The following ASTN2 variants were observed in gnomAD, a reference collection of about 807,000 sequenced individuals.
ASTN2 encodes the protein astrotactin-2.
ASTN2 carries 54 observed loss-of-function variants against 139.8 expected under a neutral mutation model. That is an observed-to-expected ratio of 0.39 (90% CI 0.31 to 0.48). ASTN2 has a LOEUF of 0.48. ASTN2 is among the 20% of genes least tolerant of loss of function. ASTN2 has a pLI of 0.95. For synonymous variants in ASTN2, 756 were observed against 719.5 expected, an observed-to-expected ratio of 1.05 and a Z score of -0.81; for missense variants, 1,565 against 1,725.1, an observed-to-expected ratio of 0.91 and a Z score of 1.64.
chr9:117,041,252 A>G (rs1564397540), intron 5 of ASTN2, among the ~76,000 whole-genome samples: 2 of 147,572 alleles, frequency 1.4e-5, no homozygotes, highest in African/African-American at 2.5e-5. Flanking sequence ...TGCCTCCACA[A>G]TTTTTTTTTT....
intron 3 of ASTN2, among the ~76,000 whole-genome samples, chr9:117,157,377 T>C (rs1407846440): frequency 6.6e-6 from 1 of 151,830 alleles, no homozygotes; most frequent in Non-Finnish European, 1.5e-5. Flanking sequence ...CATTTCAGAG[T>C]CAGTCCTCAA....
At chr9:117,073,583 T>C (rs118094214) in intron 5 of ASTN2, among the ~76,000 whole-genome samples, 90 of 152,312 alleles carry the variant, frequency 5.9e-4, no homozygotes, top group African/African-American at 1.8e-3. Context: ...AGGAATTAGG[T>C]TGGATTCATC....
At chr9:116,779,606 CA>C (rs1157256660) in intron 13 of ASTN2, among the ~76,000 whole-genome samples, 3 of 152,110 alleles carry the variant, frequency 2.0e-5, no homozygotes, top group Non-Finnish European at 4.4e-5. Flanking sequence ...CTATCTACCA[CA>C]AAGAAAATTC....
chr9:116,702,228 A>G (rs1236987831), intron 16 of ASTN2, among the ~76,000 whole-genome samples: 2 of 152,200 alleles, frequency 1.3e-5, no homozygotes, highest in East Asian at 1.9e-4. Flanking sequence ...ATGAGATAAC[A>G]TGTGAAAATA....
At chr9:117,226,950 T>C (rs1303471052) in intron 2 of ASTN2, among the ~76,000 whole-genome samples, 1 of 152,172 alleles carries the variant, frequency 6.6e-6, no homozygotes, top group African/African-American at 2.4e-5. Context: ...CAAAGCCTTC[T>C]GAGGTCAGAA....
At chr9:116,805,169 G>A (rs1830998482) in intron 13 of ASTN2, among the ~76,000 whole-genome samples, 1 of 151,396 alleles carries the variant, frequency 6.6e-6, no homozygotes, top group Admixed American at 6.6e-5. Flanking sequence ...AACAGAGAGA[G>A]AAAGAGAGAA....
chr9:117,180,581 G>T, intron 3 of ASTN2: 1 of 839,428 alleles, frequency 1.2e-6, no homozygotes. Flanking sequence ...TTTATTGACT[G>T]CTTACTATGC....
chr9:117,227,607 C>T (rs927231182), intron 2 of ASTN2, among the ~76,000 whole-genome samples: 5 of 152,210 alleles, frequency 3.3e-5, no homozygotes, highest in East Asian at 1.9e-4. Flanking sequence ...AGCCTATACC[C>T]GAGGACCGAA....
chr9:116,493,405 T>C (rs1013575086), intron 19 of ASTN2, among the ~76,000 whole-genome samples: 1 of 152,144 alleles, frequency 6.6e-6, no homozygotes, highest in African/African-American at 2.4e-5. Context: ...ATGTGCCTGT[T>C]CCCCATTACA....
intron 19 of ASTN2, among the ~76,000 whole-genome samples, chr9:116,554,302 T>C (rs1852492984): frequency 6.6e-6 from 1 of 152,144 alleles, no homozygotes; most frequent in Non-Finnish European, 1.5e-5. Flanking sequence ...ATTGTTTCCT[T>C]CAAAGAGGCA....
chr9:116,930,435 C>T (rs1834865842), intron 10 of ASTN2, among the ~76,000 whole-genome samples: 1 of 152,100 alleles, frequency 6.6e-6, no homozygotes, highest in African/African-American at 2.4e-5. Context: ...AAGTCTCATT[C>T]AGCAAGACTG....
chr9:116,815,981 T>C (rs1831317891), intron 12 of ASTN2, among the ~76,000 whole-genome samples: 1 of 151,964 alleles, frequency 6.6e-6, no homozygotes, highest in South Asian at 2.1e-4. Flanking sequence ...AACTATATAA[T>C]CCACTATGGG....
At chr9:117,288,398 T>C (rs1287936519) in intron 2 of ASTN2, among the ~76,000 whole-genome samples, 4 of 152,126 alleles carry the variant, frequency 2.6e-5, no homozygotes, top group Admixed American at 2.6e-4. Context: ...ATGGAGTGCA[T>C]AGACCCTAGC....
chr9:117,411,122 C>T (rs1329852604), intron 1 of ASTN2, among the ~76,000 whole-genome samples: 3 of 152,062 alleles, frequency 2.0e-5, no homozygotes, highest in Non-Finnish European at 2.9e-5. Context: ...TTGGATTACG[C>T]GTTTGACCTC....
intron 16 of ASTN2, among the ~76,000 whole-genome samples, chr9:116,714,030 A>G (rs1828243784): frequency 6.6e-6 from 1 of 152,208 alleles, no homozygotes; most frequent in South Asian, 2.1e-4. Context: ...ATATGAGATC[A>G]TGTGATTAAC....
chr9:116,598,851 G>C (rs1395984694), intron 19 of ASTN2, among the ~76,000 whole-genome samples: 1 of 152,180 alleles, frequency 6.6e-6, no homozygotes, highest in East Asian at 1.9e-4. Context: ...CACAGAGCTA[G>C]GAGTCTTGTG....
At chr9:116,860,993 G>A (rs1014035328) in intron 11 of ASTN2, among the ~76,000 whole-genome samples, 7 of 152,152 alleles carry the variant, frequency 4.6e-5, no homozygotes, top group Admixed American at 6.5e-5. Flanking sequence ...GTATTTCCCT[G>A]TCTATTCTGA....
chr9:116,873,567 A>G (rs1833219551), intron 10 of ASTN2, among the ~76,000 whole-genome samples: 1 of 152,216 alleles, frequency 6.6e-6, no homozygotes, highest in African/African-American at 2.4e-5. Context: ...ATGACATGAG[A>G]ACTTTGGCTT....
chr9:117,329,329 A>C (rs900874295), intron 1 of ASTN2, among the ~76,000 whole-genome samples: 10 of 151,852 alleles, frequency 6.6e-5, no homozygotes, highest in Middle Eastern at 3.5e-3. Context: ...TCCTCTTTTA[A>C]TGTAGAGATC....
Sources: gnomAD v4.1 joint callset for allele counts (sites outside exome capture counted in the v4.1 genomes callset) on GRCh38, gnomAD v4.1.1 for gene constraint, MANE v1.5 for transcripts, NCBI Gene and HGNC (gene_info 2026-07-23, HGNC 2026-07-21) for gene names.